The following RAPGEF4 variants were observed in gnomAD, a reference collection of about 807,000 sequenced individuals.
RAPGEF4 encodes the protein RAP guanine-nucleotide-exchange factor (GEF) 4.
In RAPGEF4, 66 loss-of-function variants were observed where a neutral mutation model predicts 147.9. That is an observed-to-expected ratio of 0.45 (90% confidence interval 0.37 to 0.55). The LOEUF (loss-of-function observed/expected upper bound fraction) is 0.55. RAPGEF4 is among the 20% of genes least tolerant of loss of function. The pLI, the probability that RAPGEF4 is intolerant of heterozygous loss-of-function variation, is 0.00. For synonymous variants in RAPGEF4, 419 were observed against 442.7 expected (o/e 0.95, Z 0.67); for missense variants, 1,071 against 1,257.3 (o/e 0.85, Z 2.24).
At chr2:173,051,487 C>G (rs116465128) in intron 30 of RAPGEF4, among the ~76,000 whole-genome samples, 153 bp from the exon 31 acceptor site, 9 of 151,976 alleles carry the variant, frequency 5.9e-5, no homozygotes, top group Non-Finnish European at 1.3e-4. Flanking sequence ...ATGGAACAAC[C>G]AAGTGGAAAC....
rs1209223587 is a variant in RAPGEF4 at position 172,870,056 on chromosome 2, TCTC to T, written c.445-47742_445-47740del. Among the ~76,000 whole-genome samples the T allele has an allele frequency of 5.3e-5, 8 of 152,190 alleles. 1 individual carries two copies. The South Asian group carries it at 1.2e-3, about 24-fold the overall frequency. ...GGTGTGCTGCAGCACCCCTGAGTCA[TCTC>T]CTCATTCCCGAGTCCCGCTGCCTTC... On this transcript the variant is annotated intron_variant, in intron 4 of 30. Transcript: ENST00000397081.
At chr2:172,893,076 C>T (rs891804335) in intron 4 of RAPGEF4, among the ~76,000 whole-genome samples, 3 of 151,864 alleles carry the variant, frequency 2.0e-5, no homozygotes, top group African/African-American at 7.2e-5. Flanking sequence ...CTGTCGGGCA[C>T]CATGCTACAG....
chr2:172,930,303 A>G (rs1305628403), intron 6 of RAPGEF4, among the ~76,000 whole-genome samples: 1 of 152,216 alleles, frequency 6.6e-6, no homozygotes, highest in African/African-American at 2.4e-5. Context: ...TGTCCCAACA[A>G]GACACCTTCC....
chr2:172,955,627 T>C (rs1008055455), intron 6 of RAPGEF4, among the ~76,000 whole-genome samples: 24 of 152,294 alleles, frequency 1.6e-4, no homozygotes, highest in African/African-American at 5.1e-4. Context: ...AAAATTTCAT[T>C]GGAGAGGGGT....
rs1693693425 is a variant in RAPGEF4 at position 172,735,880 on chromosome 2, G to GGGAGGAGCGGGGTC, written c.-103_-90dup. ...CAGCCGCGCTGGTCGCCAGGCGTCC[G>GGGAGGAGCGGGGTC]GGAGGAGCGGGGTCCGCGCGGCGGA... On this transcript the variant is annotated 5_prime_UTR_variant, in exon 1 of 31. Coordinates refer to ENST00000397081, the MANE Select transcript of RAPGEF4 (RefSeq NM_007023.4). The GGGAGGAGCGGGGTC allele has an allele frequency of 2.9e-6, 3 of 1,022,378 alleles. No individual in the cohort carries two copies. Among genetic ancestry groups the GGGAGGAGCGGGGTC allele is most frequent in the Non-Finnish European group, 3.8e-6 (3 of 795,746 alleles). The allele number at this position is 1,022,378 out of a possible 1,614,324, so 63.3% of individuals were successfully genotyped here.
At chr2:172,827,659 A>C (rs1689814074) in intron 4 of RAPGEF4, among the ~76,000 whole-genome samples, 1 of 152,176 alleles carries the variant, frequency 6.6e-6, no homozygotes, top group Admixed American at 6.5e-5. Flanking sequence ...GTCCTCAGGC[A>C]AGGTACATAA....
chr2:172,885,321 C>T (rs1339053350), intron 4 of RAPGEF4, among the ~76,000 whole-genome samples: 2 of 152,222 alleles, frequency 1.3e-5, no homozygotes, highest in East Asian at 1.9e-4. Context: ...TTTCCTCCTC[C>T]CTTATCTATG....
At chr2:172,978,776 TC>T (rs1691369526) in intron 10 of RAPGEF4, among the ~76,000 whole-genome samples, 2 of 152,250 alleles carry the variant, frequency 1.3e-5, no homozygotes, top group Admixed American at 1.3e-4. Context: ...CTCTCTATTA[TC>T]CAGGAATTCC....
intron 1 of RAPGEF4, among the ~76,000 whole-genome samples, chr2:172,743,839 G>T (rs1694531364): frequency 1.3e-5 from 2 of 152,180 alleles, no homozygotes; most frequent in African/African-American, 4.8e-5. Flanking sequence ...AGTGCCCAGA[G>T]AAACACAGAG....
intron 4 of RAPGEF4, among the ~76,000 whole-genome samples, chr2:172,837,212 G>A (rs1330879323): frequency 6.6e-6 from 1 of 152,116 alleles, no homozygotes; most frequent in African/African-American, 2.4e-5. Flanking sequence ...TATGACTAAT[G>A]CTTGCTATGG....
At chr2:173,000,738 TTTTCTTTCTTTC>T (rs200903707) in intron 16 of RAPGEF4, among the ~76,000 whole-genome samples, 112 of 99,754 alleles carry the variant, frequency 1.1e-3, no homozygotes, top group South Asian at 6.2e-3. Flanking sequence ...TCTTTCTTTC[TTTTCTTTCTTTC>T]TTTTTTTTTT....
chr2:172,888,026 G>A (rs1288874708), intron 4 of RAPGEF4, among the ~76,000 whole-genome samples: 2 of 152,110 alleles, frequency 1.3e-5, no homozygotes, highest in Admixed American at 6.6e-5. Context: ...GAGCTGTAGA[G>A]GATGGGTTCC....
intron 6 of RAPGEF4, among the ~76,000 whole-genome samples, chr2:172,935,636 A>G (rs2150110321): frequency 6.6e-6 from 1 of 152,334 alleles, no homozygotes; most frequent in Non-Finnish European, 1.5e-5. Context: ...TGCACTTATG[A>G]AAATAATGTT....
intron 29 of RAPGEF4, chr2:173,048,376 T>C: frequency 1.1e-6 from 1 of 936,518 alleles, no homozygotes; most frequent in Non-Finnish European, 1.5e-6. Flanking sequence ...ATGAGAGTTA[T>C]GCCATTAATA....
intron 1 of RAPGEF4, among the ~76,000 whole-genome samples, chr2:172,760,824 C>G (rs1329192456): frequency 1.3e-5 from 2 of 150,778 alleles, no homozygotes; most frequent in Non-Finnish European, 3.0e-5. Context: ...CCAATTTGAA[C>G]AACAGAGAGA....
At chr2:173,032,776 G>A (rs1559199966) in intron 26 of RAPGEF4, among the ~76,000 whole-genome samples, 2 of 152,196 alleles carry the variant, frequency 1.3e-5, no homozygotes, top group Admixed American at 6.5e-5. Context: ...ATGGGAATAT[G>A]ACAAACTGAG....
At chr2:173,051,417 G>T (rs150392501) in intron 30 of RAPGEF4, among the ~76,000 whole-genome samples, 179 of 152,104 alleles carry the variant, frequency 1.2e-3, no homozygotes, top group African/African-American at 4.0e-3. Context: ...ATTCAAAGGA[G>T]AATGATCAAA....
At chr2:172,884,468 G>T (rs1395283610) in intron 4 of RAPGEF4, among the ~76,000 whole-genome samples, 1 of 152,212 alleles carries the variant, frequency 6.6e-6, no homozygotes, top group African/African-American at 2.4e-5. Context: ...TTTGCTTGAA[G>T]AAACTTATCT....
Position 172,809,670 on chromosome 2 carries a change from A to G in RAPGEF4, c.298-4609A>G, listed in dbSNP as rs1574910424. ...CTCACCCTCTTGAGTAGCTGGGACCATAGGCAAACACCAATATGCCTGGCT... is the reference window on the plus strand; with the variant it reads ...CTCACCCTCTTGAGTAGCTGGGACCGTAGGCAAACACCAATATGCCTGGCT... On this transcript the variant is annotated intron_variant, in intron 3 of 30. Transcript: ENST00000397081. Among the ~76,000 whole-genome samples the G allele has an allele frequency of 2.0e-5, 3 of 152,164 alleles. No homozygotes were observed. The South Asian group carries it at 6.2e-4, about 32-fold the overall frequency.
Sources: gnomAD v4.1 joint callset for allele counts (sites outside exome capture counted in the v4.1 genomes callset) on GRCh38, gnomAD v4.1.1 for gene constraint, MANE v1.5 for transcripts, NCBI Gene and HGNC (gene_info 2026-07-23, HGNC 2026-07-21) for gene names.